The following NRG2 variants were observed in gnomAD, a reference collection of about 807,000 sequenced individuals.
NRG2 encodes neuregulin 2, also known as pro-neuregulin-2, membrane-bound isoform.
A neutral mutation model predicts 73.9 loss-of-function variants in NRG2; 27 were observed. The observed-to-expected ratio is 0.37, with a 90% CI of 0.27 to 0.50. NRG2 has a LOEUF of 0.50. Among genes scored for constraint, NRG2 ranks in the 20% least tolerant of loss-of-function variants. NRG2 has a pLI of 0.96. For missense variants in NRG2, 1,126 were observed against 1,210.1 expected (o/e 0.93, Z 1.03); for synonymous variants, 532 against 541.0 (o/e 0.98, Z 0.23).
chr5:140,034,876 C>T (rs1444158387), intron 1 of NRG2, among the ~76,000 whole-genome samples: 2 of 152,130 alleles, frequency 1.3e-5, no homozygotes, highest in African/African-American at 4.8e-5. Flanking sequence ...CCTTCAAATA[C>T]TACTTACATA....
At chr5:139,879,116 C>A (rs1763369269) in intron 3 of NRG2, among the ~76,000 whole-genome samples, 1 of 152,070 alleles carries the variant, frequency 6.6e-6, no homozygotes, top group Non-Finnish European at 1.5e-5. Context: ...TAAAATATAT[C>A]CTGGCTTTGA....
chr5:139,944,968 CA>C lies in NRG2; in HGVS notation c.701-57458del, dbSNP rs570689114. Among the ~76,000 whole-genome samples, 102 of 152,236 alleles carry C rather than the reference CA, an allele frequency of 6.7e-4. 1 individual carries two copies. Among genetic ancestry groups the C allele is most frequent in the African/African-American group, 2.4e-3 (101 of 41,540 alleles). On this transcript the variant is annotated intron_variant, in intron 1 of 9. Coordinates refer to ENST00000361474, the MANE Select transcript of NRG2 (RefSeq NM_004883.3). ...TCCTAACTGGGGTGAGATGATACCTCATTGTGGTTTTGATTTGCATTTCCCT... is the reference window on the plus strand; with the variant it reads ...TCCTAACTGGGGTGAGATGATACCTCTTGTGGTTTTGATTTGCATTTCCCT...
At chr5:139,914,200 T>C (rs1453922237) in intron 1 of NRG2, among the ~76,000 whole-genome samples, 1 of 152,062 alleles carries the variant, frequency 6.6e-6, no homozygotes, top group African/African-American at 2.4e-5. Context: ...TCTGTCATGG[T>C]GGATTTCCTG....
chr5:140,041,750 A>G (rs1761936910), intron 1 of NRG2, among the ~76,000 whole-genome samples: 1 of 151,852 alleles, frequency 6.6e-6, no homozygotes, highest in Non-Finnish European at 1.5e-5. Context: ...GGCAATCACG[A>G]TGAAGAAAAA....
intron 1 of NRG2, among the ~76,000 whole-genome samples, chr5:139,998,062 G>T (rs1758155592): frequency 6.6e-6 from 1 of 152,216 alleles, no homozygotes; most frequent in Non-Finnish European, 1.5e-5. Flanking sequence ...GATAGAACAA[G>T]GAACAAAAAT....
intron 1 of NRG2, among the ~76,000 whole-genome samples, chr5:139,926,841 G>T (rs1179097475): frequency 1.3e-5 from 2 of 152,190 alleles, no homozygotes; most frequent in Non-Finnish European, 2.9e-5. Flanking sequence ...TCCATGGATT[G>T]AATCTCCATT....
intron 1 of NRG2, among the ~76,000 whole-genome samples, chr5:139,968,109 G>C (rs1016355576): frequency 7.9e-5 from 12 of 152,190 alleles, no homozygotes; most frequent in African/African-American, 2.2e-4. Flanking sequence ...GAGGGAAACA[G>C]CTTCTGCTTT....
intron 1 of NRG2, among the ~76,000 whole-genome samples, chr5:139,989,194 TC>T (rs1241731901): frequency 2.6e-5 from 4 of 151,994 alleles, no homozygotes; most frequent in African/African-American, 9.7e-5. Context: ...CTCCATTATC[TC>T]CGGAATAGAT....
rs779273032 is a variant in NRG2, at chr5:139,871,827, A to G, written c.1006T>C (p.Ser336Pro). ...LYVNSVSTTL[S>P]SWSGHARKCN... is the part of the protein sequence containing the mutation. Reference sequence around the variant, plus strand: ...TTCCGGGCGTGCCCCGACCAGGATGACAGGGTGGTGCTCACTGAGGGTATG... The same window carrying G: ...TTCCGGGCGTGCCCCGACCAGGATGGCAGGGTGGTGCTCACTGAGGGTATG... The change falls in exon 4 of 10, where the codon TCA (serine) becomes CCA (proline). Residue 336 changes from serine to proline, a missense_variant. Ser to Pro is a moderately conservative substitution (Grantham distance 74). Around this residue, in one of 3 missense-constraint regions of NRG2, gnomAD observed 539 missense variants for 703.2 expected, o/e 0.77. Coordinates refer to ENST00000361474, the MANE Select transcript of NRG2 (RefSeq NM_004883.3). The G allele has an allele frequency of 2.5e-6, 4 of 1,613,964 alleles. No individual in the cohort carries two copies. Among genetic ancestry groups the G allele is most frequent in the Non-Finnish European group, 3.4e-6 (4 of 1,179,984 alleles).
intron 5 of NRG2, chr5:139,861,687 T>C: frequency 2.0e-6 from 1 of 509,272 alleles, no homozygotes; most frequent in Non-Finnish European, 3.9e-6. Flanking sequence ...TAAGTACAGT[T>C]TGTCCACTCC....
intron 1 of NRG2, among the ~76,000 whole-genome samples, chr5:139,901,208 G>A (rs1427514863): frequency 4.6e-5 from 7 of 152,208 alleles, no homozygotes; most frequent in African/African-American, 9.7e-5. Flanking sequence ...AAATGCCTGG[G>A]ACCTGGGATG....
At chr5:139,860,777 G>A (rs1294232265) in intron 5 of NRG2, among the ~76,000 whole-genome samples, 2 of 152,144 alleles carry the variant, frequency 1.3e-5, no homozygotes, top group Non-Finnish European at 2.9e-5. Flanking sequence ...CCACATCATT[G>A]AAGGGTTAGA....
rs35774960 is a variant in NRG2, at chr5:139,989,758, T to TTTATTA, written c.700+52606_700+52611dup. On this transcript the variant is annotated intron_variant, in intron 1 of 9. Transcript: ENST00000361474. ...GGCATTGAAGATTTTTTGCTAGGTT[T>TTTATTA]TTATTATTATTATTATTATTTATTT... Among the ~76,000 whole-genome samples the TTTATTA allele has an allele frequency of 1.5e-3, 222 of 147,616 alleles. 4 individuals carry two copies. The highest frequency in any genetic ancestry group is 5.1e-3 in the African/African-American group (207 of 40,298).
chr5:139,932,303 TG>T (rs1465005012), intron 1 of NRG2, among the ~76,000 whole-genome samples: 1 of 151,816 alleles, frequency 6.6e-6, no homozygotes, highest in Non-Finnish European at 1.5e-5. Context: ...AAGGAAATTC[TG>T]CCATTTGCCA....
rs1219424655 is a variant in NRG2, at chr5:139,865,267, G to A, written c.1189+282C>T. The stretch of plus-strand genomic sequence containing the variant: ...CACGGGCTCCTGCCAATGCCAGCTG[G>A]GTTCCTTGCCACCGTTACCATTTGT... On this transcript the variant is annotated intron_variant, in intron 5 of 9. Transcript: ENST00000361474. The surrounding 1 kb of genome is among the most constrained non-coding windows in gnomAD (Gnocchi z 5.2). 4 of 1,048,620 alleles carry A rather than the reference G, an allele frequency of 3.8e-6. No homozygotes were observed. The highest frequency in any genetic ancestry group is 4.8e-5 in the East Asian group (2 of 41,254). 65.0% of individuals were successfully genotyped at this position (1,048,620 alleles called of 1,614,324 possible).
At chr5:139,919,586 A>G (rs1404548174) in intron 1 of NRG2, among the ~76,000 whole-genome samples, 1 of 152,170 alleles carries the variant, frequency 6.6e-6, no homozygotes, top group Non-Finnish European at 1.5e-5. Context: ...TGCAAGCTAA[A>G]GATAGTAGAG....
At position 139,847,685 on chromosome 5, in the gene NRG2, A is replaced by G. The variant is rs531963066; in HGVS notation, c.*232T>C. 1 of 355,390 alleles carries G rather than the reference A, an allele frequency of 2.8e-6. No individual in the cohort carries two copies. Among genetic ancestry groups the G allele is most frequent in the African/African-American group, 2.1e-5 (1 of 47,300 alleles). 22.0% of individuals were successfully genotyped at this position (355,390 alleles called of 1,614,324 possible). A position where few individuals can be genotyped will look rare whatever the true frequency, so the allele number is the denominator to read the frequency against. On this transcript the variant is annotated 3_prime_UTR_variant, in exon 10 of 10. Transcript: ENST00000361474. ...GTTTCTTTTTTTTTTCCGAAGCTGT[A>G]AATCAGGATGTTACATATAAATAGT...
At chr5:139,859,885 A>T in intron 5 of NRG2, 1 of 1,612,492 alleles carries the variant, frequency 6.2e-7, no homozygotes, top group Non-Finnish European at 8.5e-7. Context: ...CAGAGGTTTC[A>T]TACCCTTTAA....
chr5:139,938,827 T>A (rs1753047920), intron 1 of NRG2, among the ~76,000 whole-genome samples: 1 of 126,052 alleles, frequency 7.9e-6, no homozygotes, highest in African/African-American at 3.0e-5. Context: ...CTGAAACAAT[T>A]GGACAGTCAT....
Sources: allele counts gnomAD v4.1 joint callset (sites outside exome capture counted in the v4.1 genomes callset), GRCh38; gene constraint gnomAD v4.1.1; regional missense constraint gnomAD v4.1.1; non-coding constraint Gnocchi (gnomAD v3.1); transcripts MANE v1.5; gene names NCBI Gene and HGNC (gene_info 2026-07-23, HGNC 2026-07-21).